OSBPL9: variants seen among roughly 807,000 people sequenced by gnomAD.
OSBPL9 encodes the protein oxysterol-binding protein-related protein 9.
In OSBPL9, 40 loss-of-function variants were observed where a neutral mutation model predicts 106.6. That is an observed-to-expected ratio of 0.38 (90% CI 0.29 to 0.49). The LOEUF (loss-of-function observed/expected upper bound fraction) is 0.49, where lower values mean the gene tolerates loss of function less well. Among genes scored for constraint, OSBPL9 ranks in the 20% least tolerant of loss-of-function variants. The pLI is 0.97. For synonymous variants in OSBPL9, 269 were observed against 295.4 expected, an observed-to-expected ratio of 0.91 and a Z score of 0.92; for missense variants, 609 against 887.2, an observed-to-expected ratio of 0.69 and a Z score of 3.98.
chr1:51,634,444 G>A (rs924404671), intron 1 of OSBPL9, among the ~76,000 whole-genome samples: 18 of 152,282 alleles, frequency 1.2e-4, no homozygotes, highest in African/African-American at 4.3e-4. Flanking sequence ...AATCTGTGTC[G>A]AGGTTGTAGG....
At chr1:51,784,707 T>C (rs1239101599) in intron 20 of OSBPL9, 125 bp downstream of exon 20, 7 of 1,141,526 alleles carry the variant, frequency 6.1e-6, no homozygotes, top group African/African-American at 1.6e-5. Flanking sequence ...TGTTTCACAT[T>C]TTATGTGTCA....
At chr1:51,564,737 T>C in the OSBPL9 span, among the ~76,000 whole-genome samples, 1 of 152,200 alleles carries the variant, frequency 6.6e-6, no homozygotes, top group South Asian at 2.1e-4. Flanking sequence ...GACAGCATCC[T>C]ATCCTGGGGG....
intron 4 of OSBPL9, 87 bp downstream of exon 4, chr1:51,714,166 T>A: frequency 1.1e-6 from 1 of 934,132 alleles, no homozygotes; most frequent in Non-Finnish European, 1.6e-6. Flanking sequence ...TTTAAATAAC[T>A]GTGGTATGAT....
At chr1:51,661,216 C>T (rs1269613992) in intron 2 of OSBPL9, among the ~76,000 whole-genome samples, 1 of 152,128 alleles carries the variant, frequency 6.6e-6, no homozygotes, top group East Asian at 1.9e-4. Flanking sequence ...AGCCTGTGAG[C>T]AATCTATGTC....
the OSBPL9 span, among the ~76,000 whole-genome samples, chr1:51,561,302 T>C: frequency 2.0e-5 from 3 of 152,326 alleles, no homozygotes; most frequent in Admixed American, 6.5e-5. Flanking sequence ...AACAGATGTA[T>C]GTCTTCAGGC....
At chr1:51,568,609 C>A in the OSBPL9 span, among the ~76,000 whole-genome samples, 3 of 152,246 alleles carry the variant, frequency 2.0e-5, no homozygotes, top group Non-Finnish European at 4.4e-5. Flanking sequence ...GGCTGTCGCC[C>A]AGGCTGGAGT....
intron 3 of OSBPL9, among the ~76,000 whole-genome samples, chr1:51,671,887 C>T (rs755533984): frequency 7.9e-5 from 12 of 152,204 alleles, no homozygotes; most frequent in South Asian, 4.1e-4. Flanking sequence ...CCTGGAATGA[C>T]GTACCCACCC....
At chr1:51,784,802 A>G in intron 20 of OSBPL9, 1 of 575,984 alleles carries the variant, frequency 1.7e-6, no homozygotes, top group South Asian at 2.5e-5. Context: ...TTTCCTTCCT[A>G]AAAACCTGAC....
intron 4 of OSBPL9, among the ~76,000 whole-genome samples, chr1:51,741,649 C>CT (rs11310384): frequency 9.7e-4 from 140 of 144,782 alleles, no homozygotes; most frequent in Middle Eastern, 7.0e-3. Context: ...AAAACAGAGA[C>CT]TTTTTTTTTT....
chr1:51,613,342 G>T (rs999897070), upstream of OSBPL9, among the ~76,000 whole-genome samples: 1 of 152,238 alleles, frequency 6.6e-6, no homozygotes, highest in African/African-American at 2.4e-5. Context: ...TCTATAGGAA[G>T]TGTATAGTGT....
At chr1:51,716,467 C>T (rs1016548355) in intron 4 of OSBPL9, among the ~76,000 whole-genome samples, 1 of 152,170 alleles carries the variant, frequency 6.6e-6, no homozygotes, top group Non-Finnish European at 1.5e-5. Flanking sequence ...CTAACGTAAA[C>T]TTGCTAGAAC....
chr1:51,573,367 G>T (rs1645163164), upstream of OSBPL9, among the ~76,000 whole-genome samples: 3 of 151,584 alleles, frequency 2.0e-5, no homozygotes, highest in South Asian at 4.2e-4. Context: ...AATTAGCCGG[G>T]CATGGTAGTG....
At chr1:51,539,038 A>T in the OSBPL9 span, among the ~76,000 whole-genome samples, 1 of 152,130 alleles carries the variant, frequency 6.6e-6, no homozygotes, top group South Asian at 2.1e-4. Flanking sequence ...AGATGATCTC[A>T]ACTATTTCTT....
chr1:51,592,006 C>T (rs932071539), intron 1 of OSBPL9, among the ~76,000 whole-genome samples: 2 of 150,482 alleles, frequency 1.3e-5, no homozygotes, highest in Non-Finnish European at 3.0e-5. Flanking sequence ...ATCAGCCCTT[C>T]TGCACATCTC....
intron 1 of OSBPL9, among the ~76,000 whole-genome samples, chr1:51,578,887 GAAA>G (rs1361674809): frequency 6.6e-6 from 1 of 152,086 alleles, no homozygotes; most frequent in Non-Finnish European, 1.5e-5. Flanking sequence ...ATAAAATTCA[GAAA>G]AACACTGACT....
chr1:51,655,233 G>C (rs1646747026), intron 2 of OSBPL9, among the ~76,000 whole-genome samples: 1 of 152,160 alleles, frequency 6.6e-6, no homozygotes, highest in Non-Finnish European at 1.5e-5. Flanking sequence ...AGGCTCTGAA[G>C]AAGAGTCCTC....
chr1:51,776,113 T>C (rs1286092967), intron 14 of OSBPL9, among the ~76,000 whole-genome samples: 3 of 152,236 alleles, frequency 2.0e-5, no homozygotes, highest in Admixed American at 1.3e-4. Flanking sequence ...ATCTTTCTCA[T>C]GTCTTCCCGT....
intron 1 of OSBPL9, among the ~76,000 whole-genome samples, chr1:51,580,946 AT>A (rs1645218118): frequency 9.4e-4 from 1 of 1,062 alleles, no homozygotes; most frequent in African/African-American, 2.3e-3. Flanking sequence ...ATATATATAT[AT>A]ATATATAACT....
At chr1:51,595,940 T>G (rs947926348) in intron 1 of OSBPL9, among the ~76,000 whole-genome samples, 14 of 152,066 alleles carry the variant, frequency 9.2e-5, no homozygotes, top group African/African-American at 3.4e-4. Flanking sequence ...ACACTTTCGT[T>G]TAACTTCATT....
Sources: allele counts gnomAD v4.1 joint callset (sites outside exome capture counted in the v4.1 genomes callset), GRCh38; gene constraint gnomAD v4.1.1; transcripts MANE v1.5; gene names NCBI Gene and HGNC (gene_info 2026-07-23, HGNC 2026-07-21).